PDSS2: variants seen among roughly 807,000 people sequenced by gnomAD.
PDSS2 encodes all trans-polyprenyl-diphosphate synthase PDSS2.
PDSS2 carries 31 observed loss-of-function variants against 44.5 expected under a neutral mutation model. The observed-to-expected ratio is 0.70, with a 90% CI of 0.52 to 0.94. The LOEUF (loss-of-function observed/expected upper bound fraction) is 0.94. Ranked by LOEUF, PDSS2 falls within the 40% of genes least tolerant of loss-of-function variation. PDSS2 has a pLI of 0.00. For missense variants in PDSS2, 452 were observed against 482.2 expected, an observed-to-expected ratio of 0.94 and a Z score of 0.59; for synonymous variants, 157 against 180.3, an observed-to-expected ratio of 0.87 and a Z score of 1.03.
chr6:107,240,539 C>T (rs1050251978), intron 4 of PDSS2, among the ~76,000 whole-genome samples: 2 of 151,736 alleles, frequency 1.3e-5, no homozygotes, highest in Admixed American at 6.6e-5. Context: ...GCTGGGATTA[C>T]AGGCGCGCAC....
intron 7 of PDSS2, among the ~76,000 whole-genome samples, chr6:107,178,109 C>T (rs1206162293): frequency 1.3e-5 from 2 of 152,228 alleles, no homozygotes; most frequent in Admixed American, 6.5e-5. Context: ...CTATCATCAT[C>T]CATGTGATCC....
chr6:107,406,426 C>G (rs1040381652), intron 1 of PDSS2, among the ~76,000 whole-genome samples: 1 of 152,020 alleles, frequency 6.6e-6, no homozygotes, highest in African/African-American at 2.4e-5. Flanking sequence ...TGTAGGGAAA[C>G]CTTTTTATAG....
intron 1 of PDSS2, among the ~76,000 whole-genome samples, chr6:107,340,026 C>A (rs1778031710): frequency 6.7e-6 from 1 of 148,930 alleles, no homozygotes; most frequent in African/African-American, 2.5e-5. Context: ...AATTAGGAAA[C>A]TTTTGTAATA....
At chr6:107,399,091 T>C (rs1583035336) in intron 1 of PDSS2, among the ~76,000 whole-genome samples, 2 of 152,196 alleles carry the variant, frequency 1.3e-5, no homozygotes, top group African/African-American at 2.4e-5. Context: ...CTTCCCAGCA[T>C]TGTATGTAAT....
At chr6:107,439,511 AAGTGCCCTATG>A (rs1246032712) in intron 1 of PDSS2, among the ~76,000 whole-genome samples, 5 of 152,200 alleles carry the variant, frequency 3.3e-5, no homozygotes, top group Admixed American at 2.0e-4. Context: ...GCTTCATGAG[AAGTGCCCTATG>A]ACCAGCAAGC....
chr6:107,161,875 C>CTG (rs1334918763), intron 7 of PDSS2, among the ~76,000 whole-genome samples: 1 of 152,072 alleles, frequency 6.6e-6, no homozygotes, highest in African/African-American at 2.4e-5. Flanking sequence ...ATATGTGTGT[C>CTG]TGTGTGTGTG....
At chr6:107,176,491 G>A (rs1771794504) in intron 7 of PDSS2, among the ~76,000 whole-genome samples, 1 of 151,112 alleles carries the variant, frequency 6.6e-6, no homozygotes, top group Non-Finnish European at 1.5e-5. Context: ...AGTTTTTCTT[G>A]CCCTGTCCTC....
chr6:107,426,550 C>A (rs1008832950), intron 1 of PDSS2, among the ~76,000 whole-genome samples: 4 of 152,162 alleles, frequency 2.6e-5, no homozygotes, highest in African/African-American at 7.2e-5. Context: ...GACCCCAGAA[C>A]GGTAGATCCA....
chr6:107,229,309 C>G (rs1404596932), intron 4 of PDSS2, among the ~76,000 whole-genome samples: 1 of 152,152 alleles, frequency 6.6e-6, no homozygotes, highest in Non-Finnish European at 1.5e-5. Context: ...GCCTCAGCCT[C>G]CAGAGTAGCT....
intron 6 of PDSS2, among the ~76,000 whole-genome samples, chr6:107,200,013 C>A (rs1172818212): frequency 6.6e-6 from 1 of 152,012 alleles, no homozygotes; most frequent in Non-Finnish European, 1.5e-5. Flanking sequence ...TGAAAATTAA[C>A]CAACAAAAGG....
rs1452380893 is a variant in PDSS2, at chr6:107,162,825, G to A, written c.1042-8048C>T. 2.0e-5 allele frequency among the ~76,000 whole-genome samples: 3 copies of A among 151,826 alleles called. No individual in the cohort carries two copies. The East Asian group carries it at 5.9e-4, about 30-fold the overall frequency. On this transcript the variant is annotated intron_variant, in intron 7 of 7. Coordinates refer to ENST00000369037, the MANE Select transcript of PDSS2 (RefSeq NM_020381.4). ...TCACCAGATTGGCCAGGATGGTCTC[G>A]AACTCTTGACCTCAACAGATCCATC...
intron 7 of PDSS2, among the ~76,000 whole-genome samples, chr6:107,173,144 A>G (rs1281061567): frequency 6.7e-6 from 1 of 150,264 alleles, no homozygotes; most frequent in Non-Finnish European, 1.5e-5. Context: ...AAAAAGATAG[A>G]GTAACTTTGG....
In PDSS2 at chr6:107,245,541, C is replaced by T; in HGVS notation, c.702+7G>A. 1 of 1,506,290 alleles carries T rather than the reference C, an allele frequency of 6.6e-7. No individual in the cohort carries two copies. The highest frequency in any genetic ancestry group is 9.2e-7 in the Non-Finnish European group (1 of 1,088,462). The allele number at this position is 1,506,290 out of a possible 1,614,324, so 93.3% of individuals were successfully genotyped here. A position where few individuals can be genotyped will look rare whatever the true frequency, so the allele number is the denominator to read the frequency against. On this transcript the variant is annotated splice_region_variant and intron_variant, in intron 4 of 7. Coordinates refer to ENST00000369037, the MANE Select transcript of PDSS2 (RefSeq NM_020381.4). The stretch of plus-strand genomic sequence containing the variant: ...ACATAACATTTTATGACTCTGAAAT[C>T]CTTTACCTTTGAAGTAGAATTTTCA...
intron 4 of PDSS2, among the ~76,000 whole-genome samples, chr6:107,243,852 G>C (rs960350419): frequency 6.6e-6 from 1 of 152,196 alleles, no homozygotes; most frequent in Non-Finnish European, 1.5e-5. Flanking sequence ...TCCTGGGCTG[G>C]GCATGGTGGC....
At chr6:107,363,745 C>T (rs1278599645) in intron 1 of PDSS2, among the ~76,000 whole-genome samples, 9 of 152,252 alleles carry the variant, frequency 5.9e-5, no homozygotes, top group East Asian at 1.9e-4. Flanking sequence ...TTGGTAGAGC[C>T]GAGTGGCCTG....
intron 3 of PDSS2, among the ~76,000 whole-genome samples, chr6:107,260,312 A>G (rs1775171489): frequency 6.6e-6 from 1 of 152,220 alleles, no homozygotes; most frequent in Admixed American, 6.5e-5. Context: ...CTAAGACCCT[A>G]TAAACCAACT....
intron 1 of PDSS2, among the ~76,000 whole-genome samples, chr6:107,447,244 G>T (rs1583098664): frequency 6.6e-6 from 1 of 152,134 alleles, no homozygotes; most frequent in East Asian, 1.9e-4. Context: ...GCTGAGGCAG[G>T]AGAATGGCGT....
At chr6:107,193,115 C>T (rs1397299709) in intron 7 of PDSS2, among the ~76,000 whole-genome samples, 1 of 152,212 alleles carries the variant, frequency 6.6e-6, no homozygotes, top group Non-Finnish European at 1.5e-5. Flanking sequence ...GAAAACAGAA[C>T]GTGACCCAAG....
chr6:107,309,196 C>A (rs1311984979), intron 2 of PDSS2, among the ~76,000 whole-genome samples: 2 of 152,172 alleles, frequency 1.3e-5, no homozygotes, highest in Non-Finnish European at 2.9e-5. Context: ...AGTTAATTAT[C>A]AGAATGTCAA....
Sources: allele counts gnomAD v4.1 joint callset (sites outside exome capture counted in the v4.1 genomes callset), GRCh38; gene constraint gnomAD v4.1.1; transcripts MANE v1.5; gene names NCBI Gene and HGNC (gene_info 2026-07-23, HGNC 2026-07-21).